Variants in ROR2 observed in about 807,000 individuals in gnomAD.
ROR2 encodes ROR family WNT receptor 2.
ROR2 carries 33 observed loss-of-function variants against 74.9 expected under a neutral mutation model. The observed-to-expected ratio is 0.44, with a 90% confidence interval of 0.33 to 0.59. The LOEUF (loss-of-function observed/expected upper bound fraction) is 0.59, where lower values mean the gene tolerates loss of function less well. ROR2 is among the 20% of genes least tolerant of loss of function. The pLI, the probability that ROR2 is intolerant of heterozygous loss-of-function variation, is 0.02. For missense variants in ROR2, 1,216 were observed against 1,313.8 expected, an observed-to-expected ratio of 0.93 and a Z score of 1.15; for synonymous variants, 586 against 558.7, an observed-to-expected ratio of 1.05 and a Z score of -0.69.
chr9:91,762,167 C>G (rs1296642831), intron 2 of ROR2, among the ~76,000 whole-genome samples: 1 of 152,204 alleles, frequency 6.6e-6, no homozygotes, highest in African/African-American at 2.4e-5. Context: ...ATTGTCACAT[C>G]TACTGCTGAA....
intron 2 of ROR2, among the ~76,000 whole-genome samples, chr9:91,767,796 C>A (rs1276003378): frequency 2.0e-5 from 3 of 152,140 alleles, no homozygotes; most frequent in African/African-American, 7.2e-5. Context: ...TGGGGACTTG[C>A]GAGATGAAGA....
intron 1 of ROR2, among the ~76,000 whole-genome samples, chr9:91,848,749 C>T (rs1587778968): frequency 7.3e-6 from 1 of 137,162 alleles, no homozygotes; most frequent in South Asian, 2.3e-4. Flanking sequence ...AGTGAGACTC[C>T]GTCTCAGGGG....
chr9:91,771,582 A>G (rs1268500766), intron 2 of ROR2, among the ~76,000 whole-genome samples: 1 of 152,238 alleles, frequency 6.6e-6, no homozygotes, highest in Non-Finnish European at 1.5e-5. Flanking sequence ...GTCTTAAACA[A>G]TGACAGTACT....
intron 1 of ROR2, among the ~76,000 whole-genome samples, chr9:91,835,626 A>T (rs1828589845): frequency 6.6e-6 from 1 of 152,240 alleles, no homozygotes; most frequent in African/African-American, 2.4e-5. Flanking sequence ...AGCCTGCAGC[A>T]ACAGCAGTGA....
chr9:91,754,284 A>G (rs984469136), intron 4 of ROR2, among the ~76,000 whole-genome samples: 11 of 150,596 alleles, frequency 7.3e-5, no homozygotes, highest in South Asian at 2.1e-4. Context: ...TATGTTATGT[A>G]TTTACAATAT....
chr9:91,725,986 C>T (rs1564231075), intron 8 of ROR2, among the ~76,000 whole-genome samples: 1 of 152,192 alleles, frequency 6.6e-6, no homozygotes, highest in Non-Finnish European at 1.5e-5. Flanking sequence ...AGTGTAAATG[C>T]CCTTTTACAA....
intron 1 of ROR2, among the ~76,000 whole-genome samples, chr9:91,852,671 C>T (rs1829142894): frequency 8.5e-6 from 1 of 117,928 alleles, no homozygotes; most frequent in African/African-American, 4.1e-5. Flanking sequence ...AATGTAAGTC[C>T]ATAAGAAGTC....
chr9:91,845,877 C>CAAAAAAAAAAAAAA (rs5899143), intron 1 of ROR2, among the ~76,000 whole-genome samples: 8 of 33,900 alleles, frequency 2.4e-4, no homozygotes, highest in African/African-American at 4.4e-4. Flanking sequence ...GAATCCATCT[C>CAAAAAAAAAAAAAA]AAAAAAAAAA....
intron 4 of ROR2, among the ~76,000 whole-genome samples, chr9:91,755,519 G>A (rs893748507): frequency 1.3e-5 from 2 of 152,364 alleles, no homozygotes; most frequent in South Asian, 2.1e-4. Flanking sequence ...CCTGGCCACA[G>A]TGGAATAACC....
chr9:91,873,320 G>A (rs530048496), intron 1 of ROR2, among the ~76,000 whole-genome samples: 141 of 152,318 alleles, frequency 9.3e-4, no homozygotes, highest in African/African-American at 3.2e-3. Context: ...GGTGGCTCAC[G>A]CCTGTAATCC....
chr9:91,759,557 C>T (rs1024989039), intron 2 of ROR2, among the ~76,000 whole-genome samples: 2 of 152,074 alleles, frequency 1.3e-5, no homozygotes, highest in Non-Finnish European at 2.9e-5. Context: ...ATCTGCATTC[C>T]CCATGCTCCC....
At chr9:91,756,675 G>A (rs1323822268) in intron 3 of ROR2, among the ~76,000 whole-genome samples, 1 of 151,312 alleles carries the variant, frequency 6.6e-6, no homozygotes, top group African/African-American at 2.4e-5. Flanking sequence ...CCTCGTGTGT[G>A]CCTGGGATTG....
In ROR2 at chr9:91,733,337, G is replaced by A. The variant is rs771096772; in HGVS notation, c.722C>T (p.Ala241Val). The A allele has an allele frequency of 2.9e-5, 47 of 1,612,236 alleles. No individual in the cohort carries two copies. Among genetic ancestry groups the A allele is most frequent in the Admixed American group, 1.7e-4 (10 of 59,968 alleles). Reference sequence around the variant, plus strand: ...ACGCGGCTTGGGTGTCCGGGAGCGCGCGTCGCACAGAGGAAACACGAAGTG... The same window carrying A: ...ACGCGGCTTGGGTGTCCGGGAGCGCACGTCGCACAGAGGAAACACGAAGTG... ...FCHFVFPLCD[A>V]RSRTPKPREL... Residue 241 changes from alanine (A) to valine (V), a missense_variant, in exon 6 of 9, where the codon GCG becomes GTG. Transcript: ENST00000375708. The surrounding 1 kb of genome is among the most constrained non-coding windows in gnomAD (Gnocchi z 5.7).
intron 1 of ROR2, among the ~76,000 whole-genome samples, chr9:91,914,710 C>G (rs1371682913): frequency 1.3e-5 from 2 of 152,146 alleles, no homozygotes; most frequent in Non-Finnish European, 2.9e-5. Flanking sequence ...CCTGCAGTCA[C>G]AGACAACCAA....
Position 91,723,864 on chromosome 9 carries a change from G to A in ROR2, c.2630C>T (p.Ala877Val). ...GTCTGCCATGGATGTGTTGGAGGGG[G>A]CCGTGGTGACGTAGCCTGTGCTGGT... is the stretch of plus-strand genomic sequence containing the variant. ...GSTSTGYVTT[A>V]PSNTSMADRA... Residue 877 changes from alanine (A) to valine (V), a missense_variant, in exon 9 of 9, where the codon GCC (alanine) becomes GTC (valine). Physicochemically the swap from Ala to Val is moderately conservative, Grantham distance 64. Coordinates refer to ENST00000375708, the MANE Select transcript of ROR2 (RefSeq NM_004560.4). 2 of 1,614,036 alleles carry A rather than the reference G, an allele frequency of 1.2e-6. No individual in the cohort carries two copies. The highest frequency in any genetic ancestry group is 1.7e-6 in the Non-Finnish European group (2 of 1,180,032).
At chr9:91,809,883 C>G (rs1203708245) in intron 1 of ROR2, among the ~76,000 whole-genome samples, 1 of 152,264 alleles carries the variant, frequency 6.6e-6, no homozygotes, top group Non-Finnish European at 1.5e-5. Context: ...CACATCTTGA[C>G]TCAGCAACAG....
At chr9:91,935,038 G>T (rs1484358506) in intron 1 of ROR2, among the ~76,000 whole-genome samples, 1 of 152,116 alleles carries the variant, frequency 6.6e-6, no homozygotes, top group Non-Finnish European at 1.5e-5. Flanking sequence ...ACAATCAGAA[G>T]ACAGAATTCT....
intron 1 of ROR2, among the ~76,000 whole-genome samples, chr9:91,808,455 G>T (rs1587738804): frequency 6.7e-6 from 1 of 149,506 alleles, no homozygotes. Flanking sequence ...CATGGTGAAA[G>T]CCCGTCTGTA....
intron 1 of ROR2, among the ~76,000 whole-genome samples, chr9:91,929,909 A>T (rs979214926): frequency 5.3e-5 from 8 of 152,272 alleles, no homozygotes; most frequent in Admixed American, 2.6e-4. Flanking sequence ...TTGAACACAG[A>T]GAGCAAAGAT....
Sources: gnomAD v4.1 joint callset for allele counts (sites outside exome capture counted in the v4.1 genomes callset) on GRCh38, gnomAD v4.1.1 for gene constraint, Gnocchi (gnomAD v3.1) non-coding constraint, MANE v1.5 for transcripts, NCBI Gene and HGNC (gene_info 2026-07-23, HGNC 2026-07-21) for gene names.